Variants in CNNM4 observed in about 807,000 individuals in gnomAD.
The protein encoded by CNNM4 is cyclin and CBS domain divalent metal cation transport mediator 4.
CNNM4 carries 32 observed loss-of-function variants against 53.7 expected under a neutral mutation model. The observed-to-expected ratio is 0.60, with a 90% CI of 0.45 to 0.80. The LOEUF (loss-of-function observed/expected upper bound fraction) is 0.80, where lower values mean the gene tolerates loss of function less well. Ranked by LOEUF, CNNM4 falls within the 30% of genes least tolerant of loss-of-function variation. The probability of loss-of-function intolerance (pLI) is 0.00; values close to 1 mark genes in which losing one functional copy is unlikely to be tolerated. For synonymous variants in CNNM4, 410 were observed against 440.0 expected, an observed-to-expected ratio of 0.93 and a Z score of 0.85; for missense variants, 784 against 1,022.0, an observed-to-expected ratio of 0.77 and a Z score of 3.17.
chr2:96,798,594 TGCTAAAGGGGTGGC>T (rs2079127556), intron 3 of CNNM4, among the ~76,000 whole-genome samples: 1 of 152,134 alleles, frequency 6.6e-6, no homozygotes, highest in Non-Finnish European at 1.5e-5. Flanking sequence ...ACCCCTTACT[TGCTAAAGGGGTGGC>T]AATTCCCTCT....
At chr2:96,785,703 C>G (rs1194682166) in intron 1 of CNNM4, among the ~76,000 whole-genome samples, 1 of 152,068 alleles carries the variant, frequency 6.6e-6, no homozygotes, top group African/African-American at 2.4e-5. Flanking sequence ...ATTCTGGAGG[C>G]TGAGGTGGGA....
At chr2:96,782,994 T>A (rs974853170) in intron 1 of CNNM4, among the ~76,000 whole-genome samples, 4 of 151,996 alleles carry the variant, frequency 2.6e-5, no homozygotes, top group Admixed American at 2.6e-4. Context: ...TCTCTTGGGG[T>A]CAGGAGTTCA....
At chr2:96,784,122 C>T (rs2078997691) in intron 1 of CNNM4, among the ~76,000 whole-genome samples, 1 of 152,124 alleles carries the variant, frequency 6.6e-6, no homozygotes, top group Admixed American at 6.6e-5. Context: ...ATAAAATTAG[C>T]TGGGTGCAGT....
At chr2:96,785,738 A>G (rs948085184) in intron 1 of CNNM4, among the ~76,000 whole-genome samples, 1 of 152,134 alleles carries the variant, frequency 6.6e-6, no homozygotes, top group Non-Finnish European at 1.5e-5. Flanking sequence ...CAGGAACTCT[A>G]GGCTGCAGTG....
chr2:96,798,603 G>T (rs1248167471), intron 3 of CNNM4, among the ~76,000 whole-genome samples: 2 of 152,044 alleles, frequency 1.3e-5, no homozygotes, highest in African/African-American at 2.4e-5. Flanking sequence ...TTGCTAAAGG[G>T]GTGGCAATTC....
chr2:96,784,611 A>G (rs1447083423), intron 1 of CNNM4, among the ~76,000 whole-genome samples: 7 of 152,210 alleles, frequency 4.6e-5, no homozygotes, highest in Admixed American at 2.6e-4. Context: ...CAGTTTGTCA[A>G]TAGCTTCACC....
intron 1 of CNNM4, among the ~76,000 whole-genome samples, chr2:96,772,790 C>T (rs535020068): frequency 6.2e-5 from 9 of 145,266 alleles, no homozygotes; most frequent in African/African-American, 1.8e-4. Context: ...CACACACATG[C>T]GCACACACAC....
chr2:96,788,286 A>C (rs1574070610), intron 1 of CNNM4, among the ~76,000 whole-genome samples: 1 of 141,770 alleles, frequency 7.1e-6, no homozygotes, highest in Non-Finnish European at 1.5e-5. Context: ...ACAGGGTCTC[A>C]CTCTGTCTCA....
At position 96,800,127 on chromosome 2, in the gene CNNM4, C is replaced by T. The variant is rs1225909846; in HGVS notation, c.1948+479C>T. On this transcript the variant is annotated intron_variant, in intron 5 of 6. Coordinates refer to ENST00000377075, the MANE Select transcript of CNNM4 (RefSeq NM_020184.4). This position sits in a 1 kb window ranked among gnomAD's most constrained non-coding sequence, Gnocchi z 4.6. ...CTGGGTTTTGGTTAGAGGTCAGCTC[C>T]GATGGAATAAAGGGCCTTGGGGACA... is the stretch of plus-strand genomic sequence containing the variant. 7.2e-5 allele frequency among the ~76,000 whole-genome samples: 11 copies of T among 152,106 alleles called. No homozygotes were observed. The highest frequency in any genetic ancestry group is 8.8e-5 in the Non-Finnish European group (6 of 68,016).
In CNNM4 at chr2:96,760,937, G is replaced by A. The variant is rs1008871946; in HGVS notation, c.-63G>A. ...GCGGCAGCGGAGCGGCCGGAGCTGC[G>A]GTGCGGACCGGGGCCGCGCGGCGTG... On this transcript the variant is annotated 5_prime_UTR_variant, in exon 1 of 7. Transcript: ENST00000377075. 61 of 892,696 alleles carry A rather than the reference G, an allele frequency of 6.8e-5. No homozygotes were observed. The highest frequency in any genetic ancestry group is 3.7e-4 in the Admixed American group (6 of 16,044). The allele number at this position is 892,696 out of a possible 1,614,324, so 55.3% of individuals were successfully genotyped here.
chr2:96,799,331 G>A, intron 4 of CNNM4, 105 bp downstream of exon 4: 4 of 1,484,498 alleles, frequency 2.7e-6, no homozygotes, highest in Non-Finnish European at 3.7e-6. Flanking sequence ...TTCCCTGCCT[G>A]GGGAGCCTGC....
chr2:96,804,218 C>T (rs962836706), intron 5 of CNNM4, among the ~76,000 whole-genome samples: 4 of 150,294 alleles, frequency 2.7e-5, no homozygotes, highest in African/African-American at 7.3e-5. Context: ...TAATAGGTCA[C>T]GTCACTAATT....
At chr2:96,788,945 T>G (rs955961148) in intron 1 of CNNM4, 3 of 152,166 alleles carry the variant, frequency 2.0e-5, no homozygotes, top group African/African-American at 4.8e-5. Flanking sequence ...CCAGCACCTA[T>G]AATACGGTTT....
At position 96,808,624 on chromosome 2, in the gene CNNM4, C is replaced by T. The variant is rs774886052; in HGVS notation, c.2012C>T (p.Thr671Ile). The change falls in exon 6 of 7, where the codon ACA (threonine) becomes ATA (isoleucine). Residue 671 changes from threonine to isoleucine, a missense_variant. Thr to Ile is a moderately conservative substitution (Grantham distance 89, BLOSUM62 -1). This residue lies in a region of CNNM4 where 307 missense variants were observed against 376.3 expected (regional missense o/e 0.82). Coordinates refer to ENST00000377075, the MANE Select transcript of CNNM4 (RefSeq NM_020184.4). This position sits in a 1 kb window ranked among gnomAD's most constrained non-coding sequence, Gnocchi z 4.9. ...RSASLSYPDR[T>I]DVSTAATLAG... ...GCCTCCCTCAGTTACCCAGACCGCA[C>T]AGACGTCTCAACTGCAGCAACCTTG... 4 of 1,614,036 alleles carry T rather than the reference C, an allele frequency of 2.5e-6. No individual in the cohort carries two copies. The South Asian group carries it at 3.3e-5, about 13-fold the overall frequency.
At chr2:96,806,001 T>C (rs997203275) in intron 5 of CNNM4, among the ~76,000 whole-genome samples, 1 of 150,628 alleles carries the variant, frequency 6.6e-6, no homozygotes, top group Non-Finnish European at 1.5e-5. Flanking sequence ...GCAGAGGGGC[T>C]CCTCACTTCC....
At position 96,800,092 on chromosome 2, in the gene CNNM4, G is replaced by C. The variant is rs2079145486; in HGVS notation, c.1948+444G>C. 6.6e-6 allele frequency among the ~76,000 whole-genome samples: 1 copy of C among 152,174 alleles called. No homozygotes were observed. The highest frequency in any genetic ancestry group is 2.1e-4 in the South Asian group (1 of 4,828). On this transcript the variant is annotated intron_variant, in intron 5 of 6. Coordinates refer to ENST00000377075, the MANE Select transcript of CNNM4 (RefSeq NM_020184.4). The surrounding 1 kb of genome is among the most constrained non-coding windows in gnomAD (Gnocchi z 4.6). ...TGCAGATGGGTTTGGCTTTTCGGAG[G>C]ACGCGGCTACTGGGTTTTGGTTAGA...
At chr2:96,806,332 C>T (rs2079205473) in intron 5 of CNNM4, among the ~76,000 whole-genome samples, 1 of 152,090 alleles carries the variant, frequency 6.6e-6, no homozygotes, top group Non-Finnish European at 1.5e-5. Flanking sequence ...GACTTGAACT[C>T]AGACTTCTCT....
chr2:96,764,482 C>A (rs1002284320), intron 1 of CNNM4, among the ~76,000 whole-genome samples: 1 of 151,882 alleles, frequency 6.6e-6, no homozygotes, highest in Admixed American at 6.6e-5. Context: ...GATAGTCCCC[C>A]CTCTCTACCC....
intron 1 of CNNM4, among the ~76,000 whole-genome samples, chr2:96,790,093 G>A (rs113605487): frequency 1.5e-5 from 2 of 131,786 alleles, no homozygotes; most frequent in African/African-American, 2.9e-5. Flanking sequence ...TGCAGGCTCC[G>A]CCTCCCGGGT....
Sources: gnomAD v4.1 joint callset for allele counts (sites outside exome capture counted in the v4.1 genomes callset) on GRCh38, gnomAD v4.1.1 for gene constraint, gnomAD v4.1.1 regional missense constraint, Gnocchi (gnomAD v3.1) non-coding constraint, MANE v1.5 for transcripts, NCBI Gene and HGNC (gene_info 2026-07-23, HGNC 2026-07-21) for gene names.